The following LRRC49 variants were observed in gnomAD, a reference collection of about 807,000 sequenced individuals.
The protein encoded by LRRC49 is leucine-rich repeat-containing protein 49.
LRRC49 carries 50 observed loss-of-function variants against 83.3 expected under a neutral mutation model. The ratio of observed to expected loss-of-function variants is 0.60; its 90% CI spans 0.48 to 0.76. LRRC49 has a LOEUF of 0.76. Ranked by LOEUF, LRRC49 falls within the 30% of genes least tolerant of loss-of-function variation. The probability of loss-of-function intolerance (pLI) is 0.00; values close to 1 mark genes in which losing one functional copy is unlikely to be tolerated. For synonymous variants in LRRC49, 286 were observed against 283.3 expected, an observed-to-expected ratio of 1.01 and a Z score of -0.10; for missense variants, 704 against 809.1, an observed-to-expected ratio of 0.87 and a Z score of 1.58.
At chr15:70,943,121 G>A (rs2035882203) in intron 8 of LRRC49, among the ~76,000 whole-genome samples, 2 of 151,536 alleles carry the variant, frequency 1.3e-5, no homozygotes, top group African/African-American at 4.8e-5. Flanking sequence ...ATTGAGTTTT[G>A]TTTTGATAGC....
At chr15:70,949,955 C>T (rs1295130033) in intron 8 of LRRC49, among the ~76,000 whole-genome samples, 9 of 152,068 alleles carry the variant, frequency 5.9e-5, no homozygotes, top group Non-Finnish European at 1.0e-4. Flanking sequence ...CCAAGATATG[C>T]CTTCCCCTCA....
At chr15:70,866,910 A>T (rs2032925843) in intron 1 of LRRC49, among the ~76,000 whole-genome samples, 1 of 151,980 alleles carries the variant, frequency 6.6e-6, no homozygotes, top group Non-Finnish European at 1.5e-5. Flanking sequence ...AGGTATAATT[A>T]TGAACCTGGC....
intron 11 of LRRC49, among the ~76,000 whole-genome samples, chr15:71,007,795 G>T (rs895086626): frequency 6.8e-6 from 1 of 146,950 alleles, no homozygotes; most frequent in Non-Finnish European, 1.5e-5. Context: ...TTATTTCAAA[G>T]TGAGGAGGAA....
chr15:71,014,817 G>A (rs574278005), intron 14 of LRRC49, among the ~76,000 whole-genome samples: 1 of 152,192 alleles, frequency 6.6e-6, no homozygotes, highest in East Asian at 1.9e-4. Flanking sequence ...TCATAAATCA[G>A]ATCAAATCAA....
In LRRC49 at chr15:71,049,707, C is replaced by G. The variant is rs2039963602; in HGVS notation, c.*95C>G. 1 of 763,810 alleles carries G rather than the reference C, an allele frequency of 1.3e-6. No individual in the cohort carries two copies. The highest frequency in any genetic ancestry group is 2.6e-5 in the Admixed American group (1 of 37,934). 47.3% of individuals were successfully genotyped at this position (763,810 alleles called of 1,614,324 possible). On this transcript the variant is annotated 3_prime_UTR_variant, in exon 16 of 16. Coordinates refer to ENST00000260382, the MANE Select transcript of LRRC49 (RefSeq NM_017691.5). Reference sequence around the variant, plus strand: ...ATGTTAAAACAACAACAACACTATCCTATAAACTAGAAAGACTAGTATAAA... The same window carrying G: ...ATGTTAAAACAACAACAACACTATCGTATAAACTAGAAAGACTAGTATAAA...
At chr15:71,029,751 A>G (rs908002818) in intron 14 of LRRC49, among the ~76,000 whole-genome samples, 3 of 152,130 alleles carry the variant, frequency 2.0e-5, no homozygotes, top group East Asian at 1.9e-4. Flanking sequence ...TTCTTGTTGC[A>G]TTGATCCCTT....
intron 14 of LRRC49, among the ~76,000 whole-genome samples, chr15:71,013,273 A>C (rs1287610864): frequency 6.6e-6 from 1 of 152,210 alleles, no homozygotes; most frequent in Non-Finnish European, 1.5e-5. Context: ...GGTAGAGGAT[A>C]TGGGGAAAAG....
chr15:71,046,976 C>T (rs1205453076), intron 15 of LRRC49, among the ~76,000 whole-genome samples: 1 of 151,974 alleles, frequency 6.6e-6, no homozygotes, highest in Non-Finnish European at 1.5e-5. Context: ...TTTTGTCAGC[C>T]CTGTTGAAGA....
chr15:70,961,238 A>T (rs963782582), intron 8 of LRRC49, among the ~76,000 whole-genome samples: 12 of 152,246 alleles, frequency 7.9e-5, no homozygotes, highest in African/African-American at 2.9e-4. Flanking sequence ...TACCTCTTGG[A>T]GTCACTGAAA....
intron 9 of LRRC49, among the ~76,000 whole-genome samples, chr15:70,977,767 C>T (rs1053015133): frequency 3.3e-5 from 5 of 151,984 alleles, no homozygotes; most frequent in Admixed American, 2.6e-4. Context: ...TGGCAGATCA[C>T]TTCTGAGTTC....
intron 1 of LRRC49, among the ~76,000 whole-genome samples, chr15:70,864,429 G>A (rs1385677724): frequency 6.6e-6 from 1 of 151,910 alleles, no homozygotes; most frequent in East Asian, 1.9e-4. Flanking sequence ...GTTCCCAAGG[G>A]GAGAGGTGTG....
intron 15 of LRRC49, chr15:71,048,779 T>C: frequency 2.2e-6 from 1 of 456,026 alleles, no homozygotes; most frequent in Non-Finnish European, 4.4e-6. Flanking sequence ...GTTTTTCATT[T>C]TCACACTGCC....
At chr15:70,884,754 G>T (rs2033360774) in intron 2 of LRRC49, among the ~76,000 whole-genome samples, 2 of 152,176 alleles carry the variant, frequency 1.3e-5, no homozygotes, top group Admixed American at 1.3e-4. Context: ...TAGAGTTTTA[G>T]AAATTTAATC....
intron 2 of LRRC49, chr15:70,881,859 T>C (rs974403906): frequency 3.3e-5 from 5 of 152,222 alleles, no homozygotes; most frequent in African/African-American, 4.8e-5. Context: ...TATCTCTAAA[T>C]TGATTCCTTT....
intron 11 of LRRC49, among the ~76,000 whole-genome samples, chr15:70,996,329 A>G (rs1474341695): frequency 6.6e-6 from 1 of 152,098 alleles, no homozygotes; most frequent in Non-Finnish European, 1.5e-5. Context: ...AGATATTTCT[A>G]AAAGAACTTT....
chr15:70,890,179 T>A (rs1434519542), upstream of LRRC49, among the ~76,000 whole-genome samples: 3 of 152,174 alleles, frequency 2.0e-5, no homozygotes, highest in Non-Finnish European at 4.4e-5. Flanking sequence ...TTAGGTTGTG[T>A]AATTATGAAG....
At chr15:70,869,975 A>C (rs1347362773) in intron 1 of LRRC49, among the ~76,000 whole-genome samples, 2 of 152,212 alleles carry the variant, frequency 1.3e-5, no homozygotes, top group Non-Finnish European at 2.9e-5. Context: ...AAAATTATTT[A>C]GTGCAAAGTT....
At chr15:71,020,473 C>T (rs533464471) in intron 14 of LRRC49, among the ~76,000 whole-genome samples, 10 of 152,194 alleles carry the variant, frequency 6.6e-5, no homozygotes, top group African/African-American at 2.2e-4. Context: ...ATTAAATAAG[C>T]CCAGCTAATC....
At chr15:71,016,179 C>T (rs867585354) in intron 14 of LRRC49, among the ~76,000 whole-genome samples, 12 of 151,998 alleles carry the variant, frequency 7.9e-5, no homozygotes, top group African/African-American at 1.9e-4. Flanking sequence ...TTTCTATGAA[C>T]CTCTTGAATT....
Sources: gnomAD v4.1 joint callset for allele counts (sites outside exome capture counted in the v4.1 genomes callset) on GRCh38, gnomAD v4.1.1 for gene constraint, MANE v1.5 for transcripts, NCBI Gene and HGNC (gene_info 2026-07-23, HGNC 2026-07-21) for gene names.